Variants in DNAH14 observed in about 807,000 individuals in gnomAD.
DNAH14 encodes the protein axonemal beta dynein heavy chain 14.
A neutral mutation model predicts 520.9 loss-of-function variants in DNAH14; 478 were observed. The observed-to-expected ratio is 0.92, with a 90% confidence interval of 0.85 to 0.99. The LOEUF (loss-of-function observed/expected upper bound fraction) is 0.99, where lower values mean the gene tolerates loss of function less well. Among genes scored for constraint, DNAH14 ranks in the 50% least tolerant of loss-of-function variants. The probability of loss-of-function intolerance (pLI) is 0.00; values close to 1 mark genes in which losing one functional copy is unlikely to be tolerated. For synonymous variants in DNAH14, 1,581 were observed against 1,757.2 expected (o/e 0.90, Z 2.51); for missense variants, 4,831 against 5,234.5 (o/e 0.92, Z 2.38).
intron 21 of DNAH14, among the ~76,000 whole-genome samples, chr1:225,092,275 A>T (rs1262971875): frequency 6.6e-6 from 1 of 150,846 alleles, no homozygotes; most frequent in African/African-American, 2.4e-5. Flanking sequence ...TCTCATATGA[A>T]CATGGCACAT....
At chr1:225,363,423 T>G (rs1213752521) in intron 75 of DNAH14, among the ~76,000 whole-genome samples, 1 of 152,180 alleles carries the variant, frequency 6.6e-6, no homozygotes, top group East Asian at 1.9e-4. Flanking sequence ...TATTTAGAGG[T>G]GAGGTCTCGC....
At chr1:225,370,228 G>C (rs768721407) in intron 77 of DNAH14, among the ~76,000 whole-genome samples, 1 of 152,128 alleles carries the variant, frequency 6.6e-6, no homozygotes, top group Admixed American at 6.6e-5. Context: ...GTTGCAGTGA[G>C]CTGAGATCAC....
At chr1:225,177,224 T>C (rs1392841252) in intron 36 of DNAH14, among the ~76,000 whole-genome samples, 1 of 152,190 alleles carries the variant, frequency 6.6e-6, no homozygotes, top group East Asian at 1.9e-4. Context: ...TTTGTGGAAC[T>C]TTGAACTTGA....
rs1282343699 is a variant in DNAH14, at chr1:225,204,361, T to A, written c.5977+88T>A. On this transcript the variant is annotated intron_variant, in intron 39 of 85. Coordinates refer to ENST00000682510, the MANE Select transcript of DNAH14 (RefSeq NM_001367479.1). ...GCTATATTTATATGTTTAAACATGT[T>A]TTTTGACTGGTAATATTTTGTTCCT... The A allele has an allele frequency of 1.3e-5, 10 of 773,628 alleles. 1 individual carries two copies. Among genetic ancestry groups the A allele is most frequent in the Non-Finnish European group, 1.8e-5 (9 of 505,070 alleles). The allele number at this position is 773,628 out of a possible 1,614,324, so 47.9% of individuals were successfully genotyped here. A position where few individuals can be genotyped will look rare whatever the true frequency, so the allele number is the denominator to read the frequency against.
intron 35 of DNAH14, among the ~76,000 whole-genome samples, chr1:225,165,876 C>T (rs534304429): frequency 2.0e-5 from 3 of 152,044 alleles, no homozygotes; most frequent in African/African-American, 4.8e-5. Context: ...TGAGACACCG[C>T]GCATGGCCTC....
intron 48 of DNAH14, among the ~76,000 whole-genome samples, 177 bp from the exon 49 acceptor site, chr1:225,266,464 A>G (rs1053866440): frequency 2.0e-5 from 3 of 152,196 alleles, no homozygotes; most frequent in Non-Finnish European, 4.4e-5. Context: ...TCTTCCAAAT[A>G]GAATTCATTC....
intron 41 of DNAH14, among the ~76,000 whole-genome samples, chr1:225,210,844 T>C (rs2088287690): frequency 6.6e-6 from 1 of 152,240 alleles, no homozygotes; most frequent in South Asian, 2.1e-4. Context: ...CCTCCGCTGC[T>C]GATACCCAGG....
intron 8 of DNAH14, among the ~76,000 whole-genome samples, chr1:224,995,556 C>G (rs1442873041): frequency 1.3e-5 from 2 of 152,008 alleles, no homozygotes; most frequent in African/African-American, 4.8e-5. Flanking sequence ...TTGGAGATCT[C>G]TGCACTTCCT....
intron 31 of DNAH14, among the ~76,000 whole-genome samples, chr1:225,150,824 G>C (rs1051139033): frequency 2.6e-5 from 4 of 152,066 alleles, no homozygotes; most frequent in African/African-American, 9.7e-5. Context: ...CTGCCTCCCG[G>C]GTTCAAGCAA....
intron 58 of DNAH14, 85 bp from the exon 59 acceptor site, chr1:225,307,376 G>T: frequency 1.1e-6 from 1 of 951,186 alleles, no homozygotes; most frequent in Non-Finnish European, 1.6e-6. Flanking sequence ...CCATAATTTG[G>T]TGTAATTCTT....
intron 4 of DNAH14, among the ~76,000 whole-genome samples, chr1:224,961,641 C>T (rs1183823192): frequency 6.6e-6 from 1 of 152,074 alleles, no homozygotes; most frequent in Admixed American, 6.6e-5. Flanking sequence ...ATGGGGGAAA[C>T]CACCCCCATG....
chr1:225,000,125 G>A (rs891638028), intron 8 of DNAH14, among the ~76,000 whole-genome samples: 1 of 152,044 alleles, frequency 6.6e-6, no homozygotes, highest in Non-Finnish European at 1.5e-5. Flanking sequence ...CTTTTCATTT[G>A]TCTTAGAACG....
intron 19 of DNAH14, among the ~76,000 whole-genome samples, chr1:225,081,796 T>C (rs1303231443): frequency 6.6e-6 from 1 of 152,172 alleles, no homozygotes; most frequent in Non-Finnish European, 1.5e-5. Context: ...AACCTTCCAC[T>C]CCATAGGTTT....
At chr1:225,037,138 A>AGG (rs2067043682) in intron 11 of DNAH14, among the ~76,000 whole-genome samples, 1 of 152,138 alleles carries the variant, frequency 6.6e-6, no homozygotes, top group African/African-American at 2.4e-5. Context: ...CTTGTAGGCA[A>AGG]CAGTAGGTTG....
intron 35 of DNAH14, among the ~76,000 whole-genome samples, chr1:225,162,417 C>T (rs2081607029): frequency 6.6e-6 from 1 of 152,140 alleles, no homozygotes; most frequent in African/African-American, 2.4e-5. Context: ...TCTGCCAAGA[C>T]CATTCTATTT....
At chr1:225,270,527 A>G (rs2093285423) in intron 49 of DNAH14, among the ~76,000 whole-genome samples, 1 of 152,210 alleles carries the variant, frequency 6.6e-6, no homozygotes, top group Admixed American at 6.5e-5. Flanking sequence ...TCAAGAAATA[A>G]TGTATCTTGA....
chr1:225,185,472 A>G lies in DNAH14; in HGVS notation c.5670+47A>G, dbSNP rs2084586393. ...ATGTTTCTCTATTTGTTCATATCTT[A>G]TTTTACACTTTAATATTTTATGTTC... is the stretch of plus-strand genomic sequence containing the variant. On this transcript the variant is annotated intron_variant, in intron 37 of 85. Transcript: ENST00000682510. 2.1e-6 allele frequency: 3 copies of G among 1,456,828 alleles called. No individual in the cohort carries two copies. The East Asian group carries it at 8.0e-5, about 39-fold the overall frequency. 90.2% of individuals were successfully genotyped at this position (1,456,828 alleles called of 1,614,324 possible). A position where few individuals can be genotyped will look rare whatever the true frequency, so the allele number is the denominator to read the frequency against.
chr1:225,251,285 T>A (rs2092540087), intron 43 of DNAH14, among the ~76,000 whole-genome samples: 1 of 152,108 alleles, frequency 6.6e-6, no homozygotes, highest in Non-Finnish European at 1.5e-5. Flanking sequence ...GTGATTTTCC[T>A]GCCTCAGCTT....
chr1:225,133,587 G>T (rs1380527672), intron 27 of DNAH14, among the ~76,000 whole-genome samples: 1 of 152,020 alleles, frequency 6.6e-6, no homozygotes, highest in Non-Finnish European at 1.5e-5. Context: ...TGGTCTATGT[G>T]TCTGTTTTTG....
Sources: allele counts gnomAD v4.1 joint callset (sites outside exome capture counted in the v4.1 genomes callset), GRCh38; gene constraint gnomAD v4.1.1; transcripts MANE v1.5; gene names NCBI Gene and HGNC (gene_info 2026-07-23, HGNC 2026-07-21).